SGCD: variants seen among roughly 807,000 people sequenced by gnomAD.
SGCD encodes the protein sarcoglycan delta.
SGCD carries 18 observed loss-of-function variants against 36.6 expected under a neutral mutation model. The observed-to-expected ratio is 0.49, with a 90% CI of 0.34 to 0.73. The LOEUF is 0.73. Among genes scored for constraint, SGCD ranks in the 30% least tolerant of loss-of-function variants. The pLI is 0.01. For synonymous variants in SGCD, 133 were observed against 130.6 expected, an observed-to-expected ratio of 1.02 and a Z score of -0.12; for missense variants, 387 against 346.7, an observed-to-expected ratio of 1.12 and a Z score of -0.92.
At chr5:156,582,191 T>G (rs991074504) in intron 4 of SGCD, among the ~76,000 whole-genome samples, 3 of 152,202 alleles carry the variant, frequency 2.0e-5, no homozygotes, top group Non-Finnish European at 4.4e-5. Flanking sequence ...TTGTTTTGTA[T>G]GTTGTGAAGA....
chr5:156,609,715 C>T (rs1004282694), intron 6 of SGCD, among the ~76,000 whole-genome samples: 1 of 152,220 alleles, frequency 6.6e-6, no homozygotes, highest in African/African-American at 2.4e-5. Flanking sequence ...TTCACATAGT[C>T]CCAAATTTCT....
At chr5:156,356,877 G>A (rs1769520386) in intron 3 of SGCD, among the ~76,000 whole-genome samples, 1 of 152,184 alleles carries the variant, frequency 6.6e-6, no homozygotes, top group Non-Finnish European at 1.5e-5. Flanking sequence ...TATGATCAGA[G>A]AAGCAGAGGT....
At chr5:156,121,763 G>A (rs1346733341) in intron 2 of SGCD, among the ~76,000 whole-genome samples, 1 of 152,058 alleles carries the variant, frequency 6.6e-6, no homozygotes, top group African/African-American at 2.4e-5. Context: ...CTTTTTTGTT[G>A]TCTAACCCTG....
At chr5:156,439,911 A>G (rs1246955951) in intron 3 of SGCD, among the ~76,000 whole-genome samples, 1 of 152,110 alleles carries the variant, frequency 6.6e-6, no homozygotes. Context: ...CTTTCACTCT[A>G]TCTTTTGATG....
At chr5:155,924,726 T>C (rs953718223) in intron 1 of SGCD, among the ~76,000 whole-genome samples, 3 of 152,208 alleles carry the variant, frequency 2.0e-5, no homozygotes, top group East Asian at 1.9e-4. Context: ...GGAGACTGAA[T>C]TGGGGTCTCC....
rs111563188 is a variant in SGCD, at chr5:156,271,441, A to G, written c.-43-58093A>G. On this transcript the variant is annotated intron_variant, in intron 3 of 9. Transcript: ENST00000517913. The stretch of plus-strand genomic sequence containing the variant: ...AGGAGCTTCTTATGCTGGAATCTGT[A>G]GGTAGGCCAGGGCAGGGGAGGGAAA... Among the ~76,000 whole-genome samples the G allele has an allele frequency of 3.0e-3, 456 of 152,278 alleles. 3 individuals carry two copies. Among genetic ancestry groups the G allele is most frequent in the African/African-American group, 0.01 (433 of 41,560 alleles).
At position 156,444,686 on chromosome 5, in the gene SGCD, A is replaced by G. The variant is rs947935202; in HGVS notation, c.193-63915A>G. Among the ~76,000 whole-genome samples the G allele has an allele frequency of 7.9e-5, 12 of 152,248 alleles. No homozygotes were observed. The East Asian group carries it at 9.7e-4, about 12-fold the overall frequency. On this transcript the variant is annotated intron_variant, in intron 3 of 8. Transcript: ENST00000337851. The stretch of plus-strand genomic sequence containing the variant: ...GTTCTGTCCTGAAACTACCATAAAT[A>G]GCTTTTCCTTTCTTTAGACATTATG...
chr5:155,752,265 G>C, the SGCD span, among the ~76,000 whole-genome samples: 1 of 152,148 alleles, frequency 6.6e-6, no homozygotes, highest in East Asian at 1.9e-4. Context: ...GTGCATGCTA[G>C]AACTCTTCCA....
At chr5:156,647,085 A>C (rs1763254329) in intron 6 of SGCD, among the ~76,000 whole-genome samples, 1 of 152,190 alleles carries the variant, frequency 6.6e-6, no homozygotes, top group African/African-American at 2.4e-5. Flanking sequence ...TGTGCCATGC[A>C]TTGCAATAAG....
chr5:156,282,017 C>A (rs1028172591), intron 3 of SGCD, among the ~76,000 whole-genome samples: 1 of 151,286 alleles, frequency 6.6e-6, no homozygotes, highest in Non-Finnish European at 1.5e-5. Context: ...GGGGACAGAG[C>A]GAGACTCCAT....
chr5:156,054,719 C>G (rs1168547109), intron 1 of SGCD, among the ~76,000 whole-genome samples: 1 of 146,640 alleles, frequency 6.8e-6, no homozygotes, highest in African/African-American at 2.5e-5. Context: ...TTCATTATCC[C>G]ATTTCTTTTC....
chr5:155,978,797 T>A (rs1191404168), intron 1 of SGCD, among the ~76,000 whole-genome samples: 1 of 150,638 alleles, frequency 6.6e-6, no homozygotes, highest in Admixed American at 6.6e-5. Flanking sequence ...TCCAAAAGAA[T>A]GCAGGGGGAG....
At chr5:156,652,166 T>C (rs1415203754) in intron 7 of SGCD, among the ~76,000 whole-genome samples, 3 of 152,026 alleles carry the variant, frequency 2.0e-5, no homozygotes, top group Non-Finnish European at 4.4e-5. Context: ...GGTAGAGTCT[T>C]TAGGGTTTTC....
chr5:156,101,252 C>G (rs556021082), intron 1 of SGCD, among the ~76,000 whole-genome samples: 15 of 152,284 alleles, frequency 9.9e-5, no homozygotes, highest in African/African-American at 3.6e-4. Context: ...TAACTGCCTT[C>G]CTGAAAATAA....
At chr5:156,564,981 A>T (rs540310381) in intron 4 of SGCD, among the ~76,000 whole-genome samples, 1 of 152,332 alleles carries the variant, frequency 6.6e-6, no homozygotes, top group East Asian at 1.9e-4. Flanking sequence ...AGAGATTCAA[A>T]GTCAGAAAGT....
At chr5:155,840,405 A>G in the SGCD span, among the ~76,000 whole-genome samples, 88,339 of 146,066 alleles carry the variant, frequency 0.6, 28,281 homozygotes, top group African/African-American at 0.82. Context: ...CACCACGCCC[A>G]GCTAAATTTT....
chr5:156,515,424 A>G (rs548295673), intron 4 of SGCD, among the ~76,000 whole-genome samples: 2 of 152,290 alleles, frequency 1.3e-5, no homozygotes, highest in Admixed American at 1.3e-4. Context: ...TGAAGACCGC[A>G]TGTGAATCCT....
chr5:156,078,626 A>G (rs1363285201), intron 1 of SGCD, among the ~76,000 whole-genome samples: 2 of 145,260 alleles, frequency 1.4e-5, no homozygotes, highest in Admixed American at 6.9e-5. Context: ...CACAGTATAT[A>G]TACACACACA....
At chr5:155,954,170 GT>G (rs1268862860) in intron 1 of SGCD, among the ~76,000 whole-genome samples, 1 of 152,000 alleles carries the variant, frequency 6.6e-6, no homozygotes, top group African/African-American at 2.4e-5. Flanking sequence ...TTTTCTATTT[GT>G]AAAAGAAAAC....
Sources: allele counts gnomAD v4.1 joint callset (sites outside exome capture counted in the v4.1 genomes callset), GRCh38; gene constraint gnomAD v4.1.1; transcripts MANE v1.5; gene names NCBI Gene and HGNC (gene_info 2026-07-23, HGNC 2026-07-21).